CACNA2D3: variants seen among roughly 807,000 people sequenced by gnomAD.
The protein encoded by CACNA2D3 is voltage-dependent calcium channel subunit alpha-2/delta-3.
In CACNA2D3, 60 loss-of-function variants were observed where a neutral mutation model predicts 160.6. The ratio of observed to expected loss-of-function variants is 0.37; its 90% CI spans 0.30 to 0.46. The LOEUF (loss-of-function observed/expected upper bound fraction) is 0.46. Among genes scored for constraint, CACNA2D3 ranks in the 20% least tolerant of loss-of-function variants. The pLI, the probability that CACNA2D3 is intolerant of heterozygous loss-of-function variation, is 1.00. For missense variants in CACNA2D3, 1,205 were observed against 1,365.0 expected (o/e 0.88, Z 1.85); for synonymous variants, 558 against 492.9 (o/e 1.13, Z -1.75).
Position 55,046,113 on chromosome 3 carries a change from T to TA in CACNA2D3, c.2988-27331dup, listed in dbSNP as rs200883888. Among the ~76,000 whole-genome samples the TA allele has an allele frequency of 5.5e-3, 834 of 151,360 alleles. 5 individuals carry two copies. Among genetic ancestry groups the TA allele is most frequent in the African/African-American group, 0.019 (780 of 41,318 alleles). ...CTTTTTTTTTTAACGTCTTTTTTTT[T>TA]ATTATACTTTAAGTTTTAGGGCACA... On this transcript the variant is annotated intron_variant, in intron 35 of 37. Transcript: ENST00000474759.
Position 54,896,867 on chromosome 3 carries a change from A to G in CACNA2D3, c.2365A>G (p.Thr789Ala), listed in dbSNP as rs1375586666. ...CTTCGTCTACTCGATCCCATTCAGC[A>G]CTGGTGGGTGCCCTTGTTGGAGGCG... ...GSFVYSIPFS[T>A]GPVNKSNVVT... Residue 789 changes from threonine to alanine, a missense_variant, in exon 26 of 38, where the codon ACT becomes GCT. Thr to Ala is a moderately conservative substitution (Grantham distance 58). Around this residue, in one of 3 missense-constraint regions of CACNA2D3, gnomAD observed 911 missense variants for 1,002.2 expected, o/e 0.91. Coordinates refer to ENST00000474759, the MANE Select transcript of CACNA2D3 (RefSeq NM_018398.3). 3 of 1,613,930 alleles carry G rather than the reference A, an allele frequency of 1.9e-6. No homozygotes were observed.
chr3:54,513,620 A>G (rs1701494520), intron 5 of CACNA2D3, among the ~76,000 whole-genome samples: 1 of 152,134 alleles, frequency 6.6e-6, no homozygotes, highest in Non-Finnish European at 1.5e-5. Flanking sequence ...TATACTGTGC[A>G]TCTCCACCAC....
intron 2 of CACNA2D3, among the ~76,000 whole-genome samples, chr3:54,188,670 G>A (rs1363204744): frequency 2.0e-5 from 3 of 152,174 alleles, no homozygotes; most frequent in African/African-American, 7.2e-5. Flanking sequence ...CACGGCTGTA[G>A]TTTACTGTCG....
intron 11 of CACNA2D3, among the ~76,000 whole-genome samples, chr3:54,691,888 A>G (rs778445585): frequency 7.7e-6 from 1 of 130,520 alleles, no homozygotes; most frequent in Non-Finnish European, 1.8e-5. Context: ...TTATCTTTTA[A>G]TTTTGACTCT....
intron 27 of CACNA2D3, among the ~76,000 whole-genome samples, chr3:54,902,968 G>T (rs1394792410): frequency 6.6e-6 from 1 of 152,042 alleles, no homozygotes; most frequent in Non-Finnish European, 1.5e-5. Context: ...CTTTTGCCAG[G>T]CACTCTAGCT....
At chr3:54,585,299 C>T (rs560268275) in intron 9 of CACNA2D3, among the ~76,000 whole-genome samples, 2 of 152,142 alleles carry the variant, frequency 1.3e-5, no homozygotes, top group South Asian at 2.1e-4. Context: ...ATGGTAAATA[C>T]TGATATGAGT....
chr3:54,975,258 C>T lies in CACNA2D3; in HGVS notation c.2556+5414C>T, dbSNP rs547187670. Among the ~76,000 whole-genome samples the T allele has an allele frequency of 9.4e-4, 143 of 152,282 alleles. 1 individual carries two copies. Among genetic ancestry groups the T allele is most frequent in the Middle Eastern group, 6.8e-3 (2 of 294 alleles). The stretch of plus-strand genomic sequence containing the variant: ...ATGTGGCTGGGCACGATGGCTCACA[C>T]CTGTAATCCCAGCACTTTGGGAGGC... On this transcript the variant is annotated intron_variant, in intron 29 of 37. Coordinates refer to ENST00000474759, the MANE Select transcript of CACNA2D3 (RefSeq NM_018398.3).
chr3:54,552,124 G>T (rs1702168461), intron 5 of CACNA2D3, among the ~76,000 whole-genome samples: 2 of 152,020 alleles, frequency 1.3e-5, no homozygotes. Context: ...AAGTCCAAAT[G>T]CTGATAGTGA....
intron 4 of CACNA2D3, among the ~76,000 whole-genome samples, chr3:54,468,636 C>T (rs1055700384): frequency 3.3e-5 from 5 of 152,166 alleles, no homozygotes; most frequent in African/African-American, 1.2e-4. Context: ...TCTAGCTCAG[C>T]AGATCCCACC....
chr3:54,607,530 C>T (rs1393862069), intron 9 of CACNA2D3, among the ~76,000 whole-genome samples: 3 of 152,044 alleles, frequency 2.0e-5, no homozygotes, highest in African/African-American at 4.8e-5. Flanking sequence ...TGCCGCTACA[C>T]ACAATAGCCA....
intron 2 of CACNA2D3, among the ~76,000 whole-genome samples, chr3:54,208,096 C>T (rs1701304592): frequency 6.6e-6 from 1 of 152,130 alleles, no homozygotes; most frequent in Non-Finnish European, 1.5e-5. Flanking sequence ...GTTGTTTGAT[C>T]TTGTTCATGG....
chr3:54,703,251 A>T lies in CACNA2D3; in HGVS notation c.1168-49348A>T, dbSNP rs189279362. Among the ~76,000 whole-genome samples the T allele has an allele frequency of 8.5e-5, 13 of 152,298 alleles. 1 individual carries two copies. The East Asian group carries it at 2.5e-3, about 29-fold the overall frequency. On this transcript the variant is annotated intron_variant, in intron 11 of 37. Coordinates refer to ENST00000474759, the MANE Select transcript of CACNA2D3 (RefSeq NM_018398.3). ...TAAATTAAAAGTTGGAAGAAAAAAA[A>T]AGGATAAAAAAATAAATAAAAGTTT...
At chr3:54,552,887 A>G (rs1702182682) in intron 5 of CACNA2D3, among the ~76,000 whole-genome samples, 1 of 152,238 alleles carries the variant, frequency 6.6e-6, no homozygotes, top group Admixed American at 6.5e-5. Context: ...AATTCTAATC[A>G]TTCACCTGAA....
At chr3:54,279,085 T>G (rs949859654) in intron 2 of CACNA2D3, among the ~76,000 whole-genome samples, 2 of 152,204 alleles carry the variant, frequency 1.3e-5, no homozygotes, top group African/African-American at 4.8e-5. Context: ...AATTCACTGC[T>G]ATAAATGGAC....
intron 4 of CACNA2D3, among the ~76,000 whole-genome samples, chr3:54,387,931 GTACCAAAGCTGACCAC>G (rs1699217428): frequency 3.3e-5 from 5 of 152,150 alleles, no homozygotes; most frequent in Admixed American, 3.3e-4. Flanking sequence ...AAAGATGGCA[GTACCAAAGCTGACCAC>G]CGGCTGCATG....
chr3:54,296,739 A>G (rs751383441), intron 2 of CACNA2D3, among the ~76,000 whole-genome samples: 1 of 152,222 alleles, frequency 6.6e-6, no homozygotes, highest in Non-Finnish European at 1.5e-5. Flanking sequence ...TTCCTTAATT[A>G]GGTTTCAAGC....
chr3:54,607,659 A>G (rs570940496), intron 9 of CACNA2D3, among the ~76,000 whole-genome samples: 1 of 152,328 alleles, frequency 6.6e-6, no homozygotes, highest in African/African-American at 2.4e-5. Context: ...CAGTTTGGCA[A>G]TTTTCTCATA....
intron 3 of CACNA2D3, among the ~76,000 whole-genome samples, chr3:54,369,665 G>A (rs572642162): frequency 1.3e-5 from 2 of 152,154 alleles, no homozygotes; most frequent in African/African-American, 2.4e-5. Context: ...AGGGCGTGTC[G>A]GCCTTTCCCA....
At position 54,463,004 on chromosome 3, in the gene CACNA2D3, T is replaced by A. The variant is rs10865987; in HGVS notation, c.382-40488T>A. Among the ~76,000 whole-genome samples the A allele has an allele frequency of 7.7e-4, 115 of 150,050 alleles. 1 individual carries two copies. Among genetic ancestry groups the A allele is most frequent in the African/African-American group, 2.2e-3 (88 of 40,774 alleles). ...AAAATCTCTCAGCATTTGCTTGTCT[T>A]TAAAGTATTTTATTTCTCCTTCACT... On this transcript the variant is annotated intron_variant, in intron 4 of 37. Coordinates refer to ENST00000474759, the MANE Select transcript of CACNA2D3 (RefSeq NM_018398.3).
Sources: gnomAD v4.1 joint callset for allele counts (sites outside exome capture counted in the v4.1 genomes callset) on GRCh38, gnomAD v4.1.1 for gene constraint, gnomAD v4.1.1 regional missense constraint, MANE v1.5 for transcripts, NCBI Gene and HGNC (gene_info 2026-07-23, HGNC 2026-07-21) for gene names.